RBFOX1: variants seen among roughly 807,000 people sequenced by gnomAD.
RBFOX1 encodes RNA binding protein fox-1 homolog 1.
RBFOX1 carries 8 observed loss-of-function variants against 57.7 expected under a neutral mutation model. The observed-to-expected ratio is 0.14, with a 90% confidence interval of 0.08 to 0.25. The LOEUF is 0.25. Ranked by LOEUF, RBFOX1 falls within the 10% of genes least tolerant of loss-of-function variation. The pLI is 1.00. For synonymous variants in RBFOX1, 326 were observed against 222.4 expected (o/e 1.47, Z -4.15); for missense variants, 611 against 548.5 (o/e 1.11, Z -1.14).
At chr16:6,846,384 C>G (rs185604345) in intron 3 of RBFOX1, among the ~76,000 whole-genome samples, 91 of 152,278 alleles carry the variant, frequency 6.0e-4, no homozygotes, top group African/African-American at 2.2e-3. Context: ...AGCTGTATTG[C>G]TGAAAAGCAG....
At chr16:7,102,453 A>G (rs2062854133) in intron 4 of RBFOX1, among the ~76,000 whole-genome samples, 1 of 152,166 alleles carries the variant, frequency 6.6e-6, no homozygotes, top group Non-Finnish European at 1.5e-5. Flanking sequence ...AAAGAATAAA[A>G]CATGCCAGGA....
chr16:6,718,776 C>G (rs765609585), intron 3 of RBFOX1, among the ~76,000 whole-genome samples: 3 of 152,170 alleles, frequency 2.0e-5, no homozygotes, highest in Admixed American at 2.0e-4. Flanking sequence ...GTTAAACTCA[C>G]AACTAGGTTG....
At chr16:5,334,689 C>T (rs375637961) in intron 1 of RBFOX1, among the ~76,000 whole-genome samples, 5 of 151,752 alleles carry the variant, frequency 3.3e-5, no homozygotes, top group East Asian at 1.9e-4. Context: ...AAATACAAAA[C>T]GATTGTTCTC....
intron 1 of RBFOX1, among the ~76,000 whole-genome samples, chr16:5,432,837 G>C (rs1360381315): frequency 2.0e-5 from 3 of 151,908 alleles, no homozygotes; most frequent in Non-Finnish European, 4.4e-5. Flanking sequence ...CTGGGTTGGA[G>C]TGCAGTGGCG....
At chr16:7,192,507 A>G (rs73546585) in intron 4 of RBFOX1, among the ~76,000 whole-genome samples, 2,447 of 152,320 alleles carry the variant, frequency 0.016, 70 homozygotes, top group African/African-American at 0.055. Context: ...CTTTGAATAA[A>G]TATTGAGGTA....
chr16:5,422,265 C>T (rs2067354870), intron 1 of RBFOX1, among the ~76,000 whole-genome samples: 2 of 82,364 alleles, frequency 2.4e-5, no homozygotes, highest in South Asian at 8.7e-4. Flanking sequence ...GGAGGAGGAG[C>T]AGGGAGAGGG....
intron 4 of RBFOX1, among the ~76,000 whole-genome samples, chr16:7,515,804 C>T (rs774836046): frequency 2.0e-5 from 3 of 152,160 alleles, no homozygotes; most frequent in African/African-American, 4.8e-5. Flanking sequence ...GTTGGCCTCA[C>T]GTGTAGGGAG....
intron 4 of RBFOX1, among the ~76,000 whole-genome samples, chr16:7,411,604 C>G (rs1249397768): frequency 6.6e-6 from 1 of 152,150 alleles, no homozygotes; most frequent in Non-Finnish European, 1.5e-5. Context: ...TCAAGGTGAT[C>G]AAAGACGGGG....
At chr16:5,305,352 C>T (rs1295904116) in intron 1 of RBFOX1, among the ~76,000 whole-genome samples, 1 of 152,112 alleles carries the variant, frequency 6.6e-6, no homozygotes, top group African/African-American at 2.4e-5. Context: ...CATGGAGTTT[C>T]TGAAATACCT....
rs538652255 is a variant in RBFOX1 at position 6,217,785 on chromosome 16, C to T, written c.-126-99210C>T. ...ATCCCAGCACTTTGGGAGGCTAAGG[C>T]GGGTGGATCACTTGAGACCAAGGGT... On this transcript the variant is annotated intron_variant, in intron 1 of 15. Coordinates refer to ENST00000550418, the MANE Select transcript of RBFOX1 (RefSeq NM_018723.4). Among the ~76,000 whole-genome samples the T allele has an allele frequency of 6.6e-5, 10 of 152,188 alleles. 1 individual carries two copies. The highest frequency in any genetic ancestry group is 4.1e-4 in the South Asian group (2 of 4,822).
At chr16:6,685,563 C>A (rs575284450) in intron 3 of RBFOX1, among the ~76,000 whole-genome samples, 2 of 151,468 alleles carry the variant, frequency 1.3e-5, no homozygotes, top group South Asian at 2.1e-4. Context: ...GCTGGGATTA[C>A]AGGCATGAGC....
intron 14 of RBFOX1, among the ~76,000 whole-genome samples, chr16:7,681,973 C>G (rs1163363056): frequency 6.6e-6 from 1 of 152,146 alleles, no homozygotes; most frequent in African/African-American, 2.4e-5. Context: ...AAAGCAGTAT[C>G]TCCCAAGGCC....
chr16:6,950,729 G>A (rs924058463), intron 3 of RBFOX1, among the ~76,000 whole-genome samples: 1 of 152,250 alleles, frequency 6.6e-6, no homozygotes, highest in Non-Finnish European at 1.5e-5. Context: ...GCTGGGAAAG[G>A]GAGGAGATTT....
chr16:7,473,817 C>T (rs1019531441), intron 4 of RBFOX1, among the ~76,000 whole-genome samples: 3 of 152,060 alleles, frequency 2.0e-5, no homozygotes, highest in African/African-American at 7.2e-5. Flanking sequence ...TAATTGCTTT[C>T]TTCATAGACA....
intron 2 of RBFOX1, among the ~76,000 whole-genome samples, chr16:6,356,683 C>T (rs1370623602): frequency 1.3e-5 from 2 of 152,088 alleles, no homozygotes; most frequent in African/African-American, 4.8e-5. Context: ...GATACCATTA[C>T]CGTGGTATCC....
rs1358611545 is a variant in RBFOX1 at position 6,455,245 on chromosome 16, C to T, written c.-64+138188C>T. 3.3e-5 allele frequency among the ~76,000 whole-genome samples: 5 copies of T among 151,932 alleles called. No homozygotes were observed. The South Asian group carries it at 1.0e-3, about 32-fold the overall frequency. ...TAGAAGAGGAAGAAAAGATTTTTACCCTCAAGGAATCTTCAGTCTACTGGT... is the reference window on the plus strand; with the variant it reads ...TAGAAGAGGAAGAAAAGATTTTTACTCTCAAGGAATCTTCAGTCTACTGGT... On this transcript the variant is annotated intron_variant, in intron 2 of 15. Coordinates refer to ENST00000550418, the MANE Select transcript of RBFOX1 (RefSeq NM_018723.4).
intron 2 of RBFOX1, among the ~76,000 whole-genome samples, chr16:6,623,034 G>T (rs1353077284): frequency 6.6e-6 from 1 of 152,080 alleles, no homozygotes; most frequent in African/African-American, 2.4e-5. Flanking sequence ...AGCCTCTTTG[G>T]CAAAAGACCT....
intron 1 of RBFOX1, among the ~76,000 whole-genome samples, chr16:5,316,904 A>G (rs371056735): frequency 1.7e-3 from 256 of 152,236 alleles, no homozygotes; most frequent in East Asian, 6.4e-3. Flanking sequence ...GCAGAGTCCA[A>G]TTGGCTGGGG....
intron 1 of RBFOX1, among the ~76,000 whole-genome samples, chr16:6,068,490 C>T (rs2095795411): frequency 6.6e-6 from 1 of 152,130 alleles, no homozygotes; most frequent in Non-Finnish European, 1.5e-5. Context: ...TTAATAGGAA[C>T]CGTTTGGGGT....
Sources: allele counts gnomAD v4.1 joint callset (sites outside exome capture counted in the v4.1 genomes callset), GRCh38; gene constraint gnomAD v4.1.1; transcripts MANE v1.5; gene names NCBI Gene and HGNC (gene_info 2026-07-23, HGNC 2026-07-21).